The following ANKS1B variants were observed in gnomAD, a reference collection of about 807,000 sequenced individuals.
ANKS1B encodes ankyrin repeat and sterile alpha motif domain-containing protein 1B.
Under a neutral mutation model 148.3 loss-of-function variants are expected in ANKS1B, and 36 were observed. The observed-to-expected ratio is 0.24, with a 90% CI of 0.19 to 0.32. ANKS1B has a LOEUF of 0.32. Ranked by LOEUF, ANKS1B falls within the 10% of genes least tolerant of loss-of-function variation. ANKS1B has a pLI of 1.00. For synonymous variants in ANKS1B, 542 were observed against 560.8 expected, an observed-to-expected ratio of 0.97 and a Z score of 0.47; for missense variants, 1,157 against 1,542.6, an observed-to-expected ratio of 0.75 and a Z score of 4.19.
At position 98,744,919 on chromosome 12, in the gene ANKS1B, C is replaced by T; in HGVS notation, c.*820G>A. ...AGGGAGCATCACCAGTATTTTGCCA[C>T]CACTGAGCCAGTCCTCTTGGTAGTA... On this transcript the variant is annotated 3_prime_UTR_variant, in exon 27 of 27. Coordinates refer to ENST00000683438, the MANE Select transcript of ANKS1B (RefSeq NM_001352186.2). The T allele has an allele frequency of 1.0e-6, 1 of 985,716 alleles. No individual in the cohort carries two copies. The highest frequency in any genetic ancestry group is 1.2e-6 in the Non-Finnish European group (1 of 829,920). 61.1% of individuals were successfully genotyped at this position (985,716 alleles called of 1,614,324 possible).
intron 4 of ANKS1B, among the ~76,000 whole-genome samples, chr12:99,799,747 G>A (rs747665393): frequency 6.6e-6 from 1 of 152,122 alleles, no homozygotes; most frequent in Non-Finnish European, 1.5e-5. Flanking sequence ...AGTCATGAGG[G>A]TTAGTAAGGC....
chr12:98,889,001 G>A (rs891862066), intron 17 of ANKS1B, among the ~76,000 whole-genome samples: 3 of 152,168 alleles, frequency 2.0e-5, no homozygotes, highest in African/African-American at 7.2e-5. Flanking sequence ...TCCACTCAAT[G>A]GATACACACA....
intron 17 of ANKS1B, among the ~76,000 whole-genome samples, chr12:98,844,735 G>T (rs888073472): frequency 6.6e-6 from 1 of 152,092 alleles, no homozygotes; most frequent in Non-Finnish European, 1.5e-5. Context: ...AACCTGTTGG[G>T]GGACCACTGA....
At chr12:98,807,708 C>T (rs572288195) in intron 20 of ANKS1B, 136 bp downstream of exon 20, 210 of 566,458 alleles carry the variant, frequency 3.7e-4, no homozygotes, top group Non-Finnish European at 5.9e-4. Flanking sequence ...GTATAATAGA[C>T]AAAGAGTCTC....
chr12:99,389,687 T>C (rs1371596896), intron 12 of ANKS1B, among the ~76,000 whole-genome samples: 1 of 152,086 alleles, frequency 6.6e-6, no homozygotes, highest in African/African-American at 2.4e-5. Flanking sequence ...TATACAGCAA[T>C]AAATTTGAAT....
At chr12:99,537,107 G>A (rs1240896370) in intron 9 of ANKS1B, among the ~76,000 whole-genome samples, 3 of 152,042 alleles carry the variant, frequency 2.0e-5, no homozygotes, top group African/African-American at 4.8e-5. Flanking sequence ...TATTTTTATG[G>A]CTGGATAGTA....
chr12:99,100,850 G>T (rs2057745644), intron 15 of ANKS1B, among the ~76,000 whole-genome samples: 2 of 152,152 alleles, frequency 1.3e-5, no homozygotes, highest in Admixed American at 1.3e-4. Flanking sequence ...TTTTTTTGAT[G>T]CAGCACATAC....
intron 1 of ANKS1B, among the ~76,000 whole-genome samples, chr12:99,927,190 A>G (rs2094496648): frequency 6.6e-6 from 1 of 152,178 alleles, no homozygotes; most frequent in Non-Finnish European, 1.5e-5. Flanking sequence ...ACTGATACCT[A>G]ATTCCCTCAT....
At chr12:98,735,399 T>C in exon 10 of ANKS1B, 1 of 428,738 alleles carries the variant, frequency 2.3e-6, no homozygotes, top group South Asian at 7.7e-5. Flanking sequence ...AAAATTTTTG[T>C]AAAAATAAAA....
intron 1 of ANKS1B, among the ~76,000 whole-genome samples, chr12:99,975,717 GC>G (rs2095618573): frequency 6.6e-6 from 1 of 152,106 alleles, no homozygotes; most frequent in African/African-American, 2.4e-5. Context: ...TGGATATTAG[GC>G]CTTTGTCAGA....
At chr12:99,751,300 A>T (rs2061084101) in intron 8 of ANKS1B, among the ~76,000 whole-genome samples, 1 of 152,030 alleles carries the variant, frequency 6.6e-6, no homozygotes, top group African/African-American at 2.4e-5. Context: ...TATTAAAATA[A>T]ACAAAAAATA....
intron 11 of ANKS1B, among the ~76,000 whole-genome samples, chr12:99,410,662 C>G (rs915755764): frequency 6.6e-6 from 1 of 152,126 alleles, no homozygotes; most frequent in Non-Finnish European, 1.5e-5. Flanking sequence ...GGGCAAGACT[C>G]CATCTCAAAC....
In ANKS1B at chr12:99,775,566, G is replaced by A; in HGVS notation, c.943C>T (p.Pro315Ser). 3.1e-6 allele frequency: 5 copies of A among 1,612,968 alleles called. No homozygotes were observed. Among genetic ancestry groups the A allele is most frequent in the East Asian group, 2.2e-5 (1 of 44,850 alleles). The change falls in exon 7 of 27, where the codon CCT becomes TCT. Residue 315 changes from proline (P) to serine (S), a missense_variant. Physicochemically the swap from Pro to Ser is moderately conservative, Grantham distance 74. This residue lies in a region of ANKS1B where 661 missense variants were observed against 642.1 expected (regional missense o/e 1.03). Coordinates refer to ENST00000683438, the MANE Select transcript of ANKS1B (RefSeq NM_001352186.2). ...ETHISSPVES[P>S]SQKTKSETVT... ...TACTCACTTTTGGTCTTTTGGGAAG[G>A]AGACTCAACAGGAGATGAAATGTGT... is the stretch of plus-strand genomic sequence containing the variant.
intron 1 of ANKS1B, among the ~76,000 whole-genome samples, chr12:99,826,553 G>A (rs2083210186): frequency 6.6e-6 from 1 of 152,080 alleles, no homozygotes; most frequent in Admixed American, 6.6e-5. Flanking sequence ...TACATGACTA[G>A]AAAAAATTAC....
At chr12:99,649,197 T>C in intron 9 of ANKS1B, 1 of 981,364 alleles carries the variant, frequency 1.0e-6, no homozygotes, top group Non-Finnish European at 1.6e-6. Context: ...TTTGTGTACT[T>C]GTGCAATAAT....
chr12:99,707,315 G>A (rs564323593), intron 8 of ANKS1B, among the ~76,000 whole-genome samples: 2 of 152,000 alleles, frequency 1.3e-5, no homozygotes, highest in Non-Finnish European at 2.9e-5. Context: ...TCTGGGCTAC[G>A]TCATCCAGAA....
intron 8 of ANKS1B, among the ~76,000 whole-genome samples, chr12:99,754,087 T>C (rs2061356412): frequency 6.6e-6 from 1 of 151,930 alleles, no homozygotes; most frequent in African/African-American, 2.4e-5. Flanking sequence ...CCAAGATCCA[T>C]TGGTATGCTG....
chr12:99,950,123 T>A (rs2095178410), intron 1 of ANKS1B, among the ~76,000 whole-genome samples: 1 of 145,458 alleles, frequency 6.9e-6, no homozygotes, highest in African/African-American at 2.6e-5. Flanking sequence ...ATTTTTTTTT[T>A]TTTTTTTTTT....
At chr12:99,700,476 C>G (rs2054625766) in intron 8 of ANKS1B, among the ~76,000 whole-genome samples, 1 of 152,134 alleles carries the variant, frequency 6.6e-6, no homozygotes, top group Non-Finnish European at 1.5e-5. Context: ...TGTGGCTGTA[C>G]CTTTTGCAGT....
Sources: gnomAD v4.1 joint callset for allele counts (sites outside exome capture counted in the v4.1 genomes callset) on GRCh38, gnomAD v4.1.1 for gene constraint, gnomAD v4.1.1 regional missense constraint, MANE v1.5 for transcripts, NCBI Gene and HGNC (gene_info 2026-07-23, HGNC 2026-07-21) for gene names.